Variants in GKAP1 observed in about 807,000 individuals in gnomAD.
GKAP1 encodes G kinase-anchoring protein 1.
In GKAP1, 31 loss-of-function variants were observed where a neutral mutation model predicts 56.7. That is an observed-to-expected ratio of 0.55 (90% CI 0.41 to 0.74). GKAP1 has a LOEUF of 0.74. GKAP1 is among the 30% of genes least tolerant of loss of function. The pLI, the probability that GKAP1 is intolerant of heterozygous loss-of-function variation, is 0.00. For synonymous variants in GKAP1, 151 were observed against 138.6 expected, an observed-to-expected ratio of 1.09 and a Z score of -0.63; for missense variants, 364 against 402.3, an observed-to-expected ratio of 0.90 and a Z score of 0.82.
intron 7 of GKAP1, among the ~76,000 whole-genome samples, chr9:83,772,375 T>C (rs1238364346): frequency 1.3e-5 from 2 of 152,142 alleles, no homozygotes; most frequent in African/African-American, 4.8e-5. Context: ...CTGGGAGAAG[T>C]GTCTATGCAT....
At chr9:83,758,258 C>G (rs1943509503) in intron 8 of GKAP1, among the ~76,000 whole-genome samples, 1 of 152,108 alleles carries the variant, frequency 6.6e-6, no homozygotes, top group African/African-American at 2.4e-5. Context: ...CAGTGAATAT[C>G]AAGCCATCAA....
In GKAP1 at chr9:83,810,869, T is replaced by G. The variant is rs547444893; in HGVS notation, c.-43-4309A>C. 2.0e-5 allele frequency among the ~76,000 whole-genome samples: 3 copies of G among 152,356 alleles called. No homozygotes were observed. The East Asian group carries it at 5.8e-4, about 29-fold the overall frequency. ...CATCATTGTATGAGTATCACACAGTTTACTTACACAAGCCTAACTGGTACA... is the reference window on the plus strand; with the variant it reads ...CATCATTGTATGAGTATCACACAGTGTACTTACACAAGCCTAACTGGTACA... On this transcript the variant is annotated intron_variant, in intron 2 of 12. Transcript: ENST00000376371.
Position 83,816,624 on chromosome 9 carries a change from A to G in GKAP1, c.-44+372T>C, listed in dbSNP as rs573814873. Among the ~76,000 whole-genome samples the G allele has an allele frequency of 2.6e-5, 4 of 152,356 alleles. No homozygotes were observed. In the East Asian group the frequency reaches 5.8e-4, roughly 22 times the overall value. ...TATAGCTACAAGTCACATTTATTAA[A>G]TGATTCCAGTTACAATCCCAAGCAC... On this transcript the variant is annotated intron_variant, in intron 2 of 12. Transcript: ENST00000376371.
chr9:83,809,405 T>C (rs887453047), intron 2 of GKAP1, among the ~76,000 whole-genome samples: 7 of 152,240 alleles, frequency 4.6e-5, no homozygotes, highest in Non-Finnish European at 8.8e-5. Flanking sequence ...TCTGGAGTTA[T>C]GTCAACTATG....
chr9:83,802,777 T>C (rs1243602209), intron 3 of GKAP1, among the ~76,000 whole-genome samples: 4 of 151,440 alleles, frequency 2.6e-5, no homozygotes, highest in Non-Finnish European at 4.4e-5. Context: ...CAGTGAGCTA[T>C]ATCATGCCAC....
intron 4 of GKAP1, among the ~76,000 whole-genome samples, chr9:83,792,446 A>T (rs982499625): frequency 6.6e-6 from 1 of 152,216 alleles, no homozygotes; most frequent in African/African-American, 2.4e-5. Flanking sequence ...TGTCTGACTA[A>T]GCCATTGTAA....
At chr9:83,764,990 C>G (rs1460814297) in intron 8 of GKAP1, among the ~76,000 whole-genome samples, 3 of 152,146 alleles carry the variant, frequency 2.0e-5, no homozygotes, top group Non-Finnish European at 4.4e-5. Context: ...TGCTAATCAC[C>G]AAGACAATGG....
intron 3 of GKAP1, among the ~76,000 whole-genome samples, chr9:83,800,356 T>C (rs78409892): frequency 6.8e-6 from 1 of 146,576 alleles, no homozygotes; most frequent in Non-Finnish European, 1.5e-5. Context: ...TTTTTTTTTT[T>C]GGCAGAGTCT....
At chr9:83,751,512 A>C (rs1461879955) in intron 9 of GKAP1, among the ~76,000 whole-genome samples, 1 of 152,236 alleles carries the variant, frequency 6.6e-6, no homozygotes, top group African/African-American at 2.4e-5. Context: ...ATGAAAAGCT[A>C]AGGTAAATGA....
intron 8 of GKAP1, among the ~76,000 whole-genome samples, chr9:83,755,250 T>C (rs900621867): frequency 1.3e-5 from 2 of 152,104 alleles, no homozygotes; most frequent in African/African-American, 4.8e-5. Flanking sequence ...TGCCAAACAA[T>C]AGGATATAGG....
intron 5 of GKAP1, 105 bp from the exon 6 acceptor site, chr9:83,784,943 C>CA: frequency 9.8e-7 from 1 of 1,020,042 alleles, no homozygotes; most frequent in Middle Eastern, 2.5e-4. Flanking sequence ...AGATAAAAGG[C>CA]AAATAAAAAA....
chr9:83,814,302 A>C (rs753083743), intron 2 of GKAP1, among the ~76,000 whole-genome samples: 5 of 152,164 alleles, frequency 3.3e-5, no homozygotes, highest in Non-Finnish European at 7.4e-5. Flanking sequence ...TTGAACACAC[A>C]ATTAGTTTAC....
At chr9:83,792,771 A>G (rs1944183236) in intron 4 of GKAP1, among the ~76,000 whole-genome samples, 1 of 152,206 alleles carries the variant, frequency 6.6e-6, no homozygotes, top group Non-Finnish European at 1.5e-5. Flanking sequence ...CTGGGCCTAT[A>G]AGACAGGCTC....
At chr9:83,742,697 A>C in intron 10 of GKAP1, 97 bp from the exon 11 acceptor site, 1 of 650,442 alleles carries the variant, frequency 1.5e-6, no homozygotes, top group Non-Finnish European at 2.7e-6. Context: ...CAATTAGAAC[A>C]ATGATTTCTT....
intron 2 of GKAP1, among the ~76,000 whole-genome samples, chr9:83,813,746 T>G (rs1376019784): frequency 6.6e-6 from 1 of 152,194 alleles, no homozygotes; most frequent in East Asian, 1.9e-4. Flanking sequence ...AATAAATATA[T>G]CTTCTACTAT....
At position 83,741,992 on chromosome 9, in the gene GKAP1, G is replaced by A; in HGVS notation, c.1013C>T (p.Ser338Phe). Residue 338 changes from serine to phenylalanine, a missense_variant, in exon 12 of 13, where the codon TCT becomes TTT. Physicochemically the swap from Ser to Phe is radical, Grantham distance 155 (BLOSUM62 -2). Transcript: ENST00000376371. Reference protein sequence around the residue: ...SLHAALEQERSKVKVLQAELA... With the variant: ...SLHAALEQERFKVKVLQAELA... ...CTCTGCTTGTAATACTTTCACTTTA[G>A]ATCTTTCTTGTTCTAATGCAGCATG... 1 of 1,592,672 alleles carries A rather than the reference G, an allele frequency of 6.3e-7. No homozygotes were observed.
chr9:83,739,604 G>T lies in GKAP1; in HGVS notation c.*93C>A. The T allele has an allele frequency of 3.3e-6, 3 of 904,878 alleles. No homozygotes were observed. Among genetic ancestry groups the T allele is most frequent in the Non-Finnish European group, 5.0e-6 (3 of 595,074 alleles). The allele number at this position is 904,878 out of a possible 1,614,324, so 56.1% of individuals were successfully genotyped here. ...GCTTTTAGTTCCTTCAAGAAAAACT[G>T]CATAGTTTAGCAGTTGCACAGCATT... On this transcript the variant is annotated 3_prime_UTR_variant, in exon 13 of 13. Transcript: ENST00000376371.
rs1298986099 is a variant in GKAP1 at position 83,779,442 on chromosome 9, T to TACAC, written c.585+939_585+940insGTGT. Among the ~76,000 whole-genome samples, 26 of 69,150 alleles carry TACAC rather than the reference T, an allele frequency of 3.8e-4. 1 individual carries two copies. The highest frequency in any genetic ancestry group is 1.1e-3 in the Admixed American group (5 of 4,520). The allele number at this position is 69,150 out of a possible 152,430, so 45.4% of individuals were successfully genotyped here. A position where few individuals can be genotyped will look rare whatever the true frequency, so the allele number is the denominator to read the frequency against. On this transcript the variant is annotated intron_variant, in intron 7 of 12. Coordinates refer to ENST00000376371, the MANE Select transcript of GKAP1 (RefSeq NM_025211.4). ...GTCAGAAGCCATATATATATATATA[T>TACAC]ATATATACACACACACACACACGCA...
At chr9:83,754,041 T>C (rs975040231) in intron 8 of GKAP1, among the ~76,000 whole-genome samples, 2 of 152,148 alleles carry the variant, frequency 1.3e-5, no homozygotes, top group Admixed American at 6.5e-5. Context: ...AAAAGTTGAT[T>C]TGATGAAGAA....
Sources: gnomAD v4.1 joint callset for allele counts (sites outside exome capture counted in the v4.1 genomes callset) on GRCh38, gnomAD v4.1.1 for gene constraint, MANE v1.5 for transcripts, NCBI Gene and HGNC (gene_info 2026-07-23, HGNC 2026-07-21) for gene names.